Variants in CACNA2D3 observed in about 807,000 individuals in gnomAD.
The protein encoded by CACNA2D3 is voltage-dependent calcium channel subunit alpha-2/delta-3.
CACNA2D3 carries 60 observed loss-of-function variants against 160.6 expected under a neutral mutation model. The ratio of observed to expected loss-of-function variants is 0.37; its 90% CI spans 0.30 to 0.46. CACNA2D3 has a LOEUF of 0.46. Among genes scored for constraint, CACNA2D3 ranks in the 20% least tolerant of loss-of-function variants. The pLI, the probability that CACNA2D3 is intolerant of heterozygous loss-of-function variation, is 1.00. For synonymous variants in CACNA2D3, 558 were observed against 492.9 expected (o/e 1.13, Z -1.75); for missense variants, 1,205 against 1,365.0 (o/e 0.88, Z 1.85).
chr3:54,682,957 A>G, intron 11 of CACNA2D3, among the ~76,000 whole-genome samples: 1 of 152,190 alleles, frequency 6.6e-6, no homozygotes, highest in Non-Finnish European at 1.5e-5. Context: ...AAATTTTATG[A>G]CAAAACAGCA....
intron 2 of CACNA2D3, among the ~76,000 whole-genome samples, chr3:54,219,592 G>C (rs1224735158): frequency 6.6e-6 from 1 of 152,092 alleles, no homozygotes; most frequent in Non-Finnish European, 1.5e-5. Flanking sequence ...ATTTCTACTT[G>C]GCATTACAAT....
intron 24 of CACNA2D3, among the ~76,000 whole-genome samples, chr3:54,889,685 T>G (rs1290284916): frequency 3.9e-5 from 6 of 152,204 alleles, no homozygotes; most frequent in Admixed American, 3.9e-4. Flanking sequence ...CTGTTTAGTA[T>G]GCAAATCTGG....
rs1312020330 is a variant in CACNA2D3, at chr3:54,230,822, T to TAC, written c.205-89619_205-89618insCA. On this transcript the variant is annotated intron_variant, in intron 2 of 37. Transcript: ENST00000474759. ...TTACAAATGGAGGAATTACAAATGC[T>TAC]AATTTGTTAAATTGAGCTGTAAACA... 8.0e-3 allele frequency among the ~76,000 whole-genome samples: 1,215 copies of TAC among 152,358 alleles called. 20 individuals carry two copies. The highest frequency in any genetic ancestry group is 0.028 in the African/African-American group (1,147 of 41,564).
chr3:54,141,100 T>C lies in CACNA2D3; in HGVS notation c.204+17506T>C, dbSNP rs79409727. ...GTGTGTGTGTGTGCGCGCGCGCGCG[T>C]GTGTGCATGCATGCCTGAGATGTGT... On this transcript the variant is annotated intron_variant, in intron 2 of 37. Transcript: ENST00000474759. 5.7e-3 allele frequency among the ~76,000 whole-genome samples: 763 copies of C among 132,744 alleles called. 5 individuals carry two copies. Among genetic ancestry groups the C allele is most frequent in the East Asian group, 0.05 (147 of 2,936 alleles). 87.1% of individuals were successfully genotyped at this position (132,744 alleles called of 152,430 possible).
intron 9 of CACNA2D3, among the ~76,000 whole-genome samples, chr3:54,604,627 C>T (rs1271905806): frequency 6.6e-6 from 1 of 152,116 alleles, no homozygotes; most frequent in East Asian, 1.9e-4. Context: ...CCTGTGCCTT[C>T]AAGAGAGCCA....
intron 4 of CACNA2D3, among the ~76,000 whole-genome samples, chr3:54,427,204 A>C (rs372715827): frequency 6.6e-6 from 1 of 152,168 alleles, no homozygotes; most frequent in East Asian, 1.9e-4. Flanking sequence ...AAAGCCCTGC[A>C]CATGTAGGTT....
intron 13 of CACNA2D3, among the ~76,000 whole-genome samples, chr3:54,787,899 C>T (rs1356682664): frequency 6.6e-6 from 1 of 152,212 alleles, no homozygotes. Flanking sequence ...ATTCCTCCTG[C>T]ATCTGCTCTT....
intron 29 of CACNA2D3, among the ~76,000 whole-genome samples, chr3:54,976,010 T>C (rs574750445): frequency 2.6e-5 from 4 of 152,018 alleles, no homozygotes; most frequent in African/African-American, 9.7e-5. Context: ...AAGATCTGTC[T>C]TAGGTATCCA....
intron 11 of CACNA2D3, among the ~76,000 whole-genome samples, chr3:54,704,966 G>T (rs987360659): frequency 6.6e-5 from 10 of 151,970 alleles, no homozygotes; most frequent in Admixed American, 6.6e-4. Context: ...ACTTTCCTGG[G>T]GGGCTTTCTG....
rs145146177 is a variant in CACNA2D3 at position 55,037,986 on chromosome 3, A to C, written c.2987+19669A>C. 4.8e-3 allele frequency among the ~76,000 whole-genome samples: 734 copies of C among 152,340 alleles called. 9 individuals are homozygous for C. Among genetic ancestry groups the C allele is most frequent in the African/African-American group, 0.017 (694 of 41,584 alleles). On this transcript the variant is annotated intron_variant, in intron 35 of 37. Coordinates refer to ENST00000474759, the MANE Select transcript of CACNA2D3 (RefSeq NM_018398.3). The stretch of plus-strand genomic sequence containing the variant: ...GGTCTTGTCCTTGAGTCTGAGATGT[A>C]GTTGTATAACCTTCCTGAGAAGTCA...
chr3:54,327,464 G>T (rs1266860978), intron 3 of CACNA2D3, among the ~76,000 whole-genome samples: 1 of 152,126 alleles, frequency 6.6e-6, no homozygotes, highest in Non-Finnish European at 1.5e-5. Flanking sequence ...TTCTTTGTGG[G>T]TAGAACCATT....
At chr3:54,489,666 T>G (rs778818731) in intron 4 of CACNA2D3, among the ~76,000 whole-genome samples, 2 of 152,198 alleles carry the variant, frequency 1.3e-5, no homozygotes, top group Non-Finnish European at 2.9e-5. Flanking sequence ...GTTAAACACT[T>G]CACTCCATGG....
intron 3 of CACNA2D3, among the ~76,000 whole-genome samples, chr3:54,354,492 G>C (rs995645324): frequency 3.9e-5 from 6 of 152,260 alleles, no homozygotes; most frequent in African/African-American, 1.4e-4. Flanking sequence ...GCTGTGGTGA[G>C]CTGCAAGTTA....
At chr3:54,809,307 C>CTTTTT (rs1417063441) in intron 13 of CACNA2D3, among the ~76,000 whole-genome samples, 5 of 86,246 alleles carry the variant, frequency 5.8e-5, no homozygotes, top group African/African-American at 8.1e-5. Flanking sequence ...TTCCTTCCTT[C>CTTTTT]TTTCTTTTTT....
At chr3:54,837,686 T>C (rs996751577) in intron 15 of CACNA2D3, among the ~76,000 whole-genome samples, 1 of 152,126 alleles carries the variant, frequency 6.6e-6, no homozygotes, top group African/African-American at 2.4e-5. Flanking sequence ...TAGGGAAGAA[T>C]TTCTCCTTGC....
intron 10 of CACNA2D3, among the ~76,000 whole-genome samples, chr3:54,634,998 T>A (rs1285266851): frequency 6.6e-6 from 1 of 151,712 alleles, no homozygotes; most frequent in Non-Finnish European, 1.5e-5. Context: ...CGGGGAAAAT[T>A]TTTGTGGAGT....
At chr3:54,762,949 GT>G (rs1388747497) in intron 12 of CACNA2D3, among the ~76,000 whole-genome samples, 2 of 152,074 alleles carry the variant, frequency 1.3e-5, no homozygotes, top group Admixed American at 1.3e-4. Context: ...ACAGCCGGGC[GT>G]GGTGGCGGGT....
In CACNA2D3 at chr3:54,838,546, A is replaced by G. The variant is rs144726552; in HGVS notation, c.1471-22A>G. On this transcript the variant is annotated intron_variant, in intron 15 of 37. Coordinates refer to ENST00000474759, the MANE Select transcript of CACNA2D3 (RefSeq NM_018398.3). The stretch of plus-strand genomic sequence containing the variant: ...GCCAAGTTAACTTACTGTTATTATA[A>G]TTCAATGTTTATTTTCGACAGAGAT... The G allele has an allele frequency of 4.6e-4, 729 of 1,584,778 alleles. 7 individuals carry two copies. The East Asian group carries it at 0.013, about 29-fold the overall frequency.
chr3:54,744,205 A>T (rs963995642), intron 11 of CACNA2D3, among the ~76,000 whole-genome samples: 3 of 152,248 alleles, frequency 2.0e-5, no homozygotes, highest in Admixed American at 2.0e-4. Context: ...CAGAATGGGC[A>T]TGTAAATGAC....
Sources: gnomAD v4.1 joint callset for allele counts (sites outside exome capture counted in the v4.1 genomes callset) on GRCh38, gnomAD v4.1.1 for gene constraint, MANE v1.5 for transcripts, NCBI Gene and HGNC (gene_info 2026-07-23, HGNC 2026-07-21) for gene names.